The following APOBEC3F variants were observed in gnomAD, a reference collection of about 807,000 sequenced individuals.
APOBEC3F encodes DNA dC->dU-editing enzyme APOBEC-3F.
A neutral mutation model predicts 45.8 loss-of-function variants in APOBEC3F; 34 were observed. The observed-to-expected ratio is 0.74, with a 90% CI of 0.57 to 0.99. The LOEUF is 0.99. APOBEC3F is among the 50% of genes least tolerant of loss of function. APOBEC3F has a pLI of 0.00. For missense variants in APOBEC3F, 459 were observed against 474.1 expected (o/e 0.97, Z 0.30); for synonymous variants, 192 against 174.4 (o/e 1.10, Z -0.80).
intron 4 of APOBEC3F, among the ~76,000 whole-genome samples, chr22:39,048,657 ATT>A (rs1927334973): frequency 1.3e-5 from 2 of 152,224 alleles, no homozygotes; most frequent in Non-Finnish European, 2.9e-5. Flanking sequence ...AATACAAAAA[ATT>A]AGCCGGGTGT....
At chr22:39,049,319 A>G in intron 4 of APOBEC3F, 106 bp from the exon 5 acceptor site, 7 of 1,318,892 alleles carry the variant, frequency 5.3e-6, no homozygotes, top group African/African-American at 1.5e-5. Context: ...TGCCTGGGAA[A>G]GCAGCAGACA....
intron 5 of APOBEC3F, 108 bp downstream of exon 5, chr22:39,049,689 TC>T (rs1296843263): frequency 9.0e-7 from 1 of 1,107,584 alleles, no homozygotes; most frequent in African/African-American, 1.7e-5. Context: ...TGTACTTTCC[TC>T]TTACATTTCT....
rs1309309808 is a variant in APOBEC3F, at chr22:39,054,052, A to G, written c.*1357A>G. 1 of 151,116 alleles carries G rather than the reference A, an allele frequency of 6.6e-6. No individual in the cohort carries two copies. Among genetic ancestry groups the G allele is most frequent in the Non-Finnish European group, 1.5e-5 (1 of 67,920 alleles). The allele number at this position is 151,116 out of a possible 1,614,324, so 9.4% of individuals were successfully genotyped here. ...CTTTGAAATGGAGTCTCGCCCTGTC[A>G]CCCAGGCTGGAGTGCAATGGTGCGG... On this transcript the variant is annotated 3_prime_UTR_variant, in exon 7 of 7. Coordinates refer to ENST00000308521, the MANE Select transcript of APOBEC3F (RefSeq NM_145298.6).
chr22:39,044,900 C>T (rs1325991218), intron 2 of APOBEC3F, 41 bp from the exon 3 acceptor site: 23 of 1,578,452 alleles, frequency 1.5e-5, no homozygotes, highest in Non-Finnish European at 1.9e-5. Context: ...TCCTCCTGCT[C>T]CCCCTCTCAG....
At position 39,049,074 on chromosome 22, in the gene APOBEC3F, G is replaced by A. The variant is rs573754855; in HGVS notation, c.567-351G>A. ...AACGTAAAAAGAATCATCATCATCG[G>A]ACAGGTGAAATGTGAGGAAGGAATT... On this transcript the variant is annotated intron_variant, in intron 4 of 6. Transcript: ENST00000308521. 3.9e-5 allele frequency among the ~76,000 whole-genome samples: 6 copies of A among 152,232 alleles called. No individual in the cohort carries two copies. In the South Asian group the frequency reaches 1.2e-3, roughly 32 times the overall value.
At chr22:39,045,371 G>C in intron 3 of APOBEC3F, 57 bp from the exon 4 acceptor site, 1 of 1,612,716 alleles carries the variant, frequency 6.2e-7, no homozygotes, top group Non-Finnish European at 8.5e-7. Context: ...ACCAGGCCTG[G>C]GAGCGCGGGC....
chr22:39,051,912 A>C (rs1334086659), intron 5 of APOBEC3F, among the ~76,000 whole-genome samples, 162 bp from the exon 6 acceptor site: 1 of 152,076 alleles, frequency 6.6e-6, no homozygotes, highest in Non-Finnish European at 1.5e-5. Flanking sequence ...CCCAGATCGC[A>C]CCACTGCACC....
At position 39,051,972 on chromosome 22, in the gene APOBEC3F, G is replaced by T. The variant is rs150203209; in HGVS notation, c.724-102G>T. ...CTGTCTCAAAAATAAATAAGGAAAC[G>T]CCCTGGGGCTCCAGGCCCGCCCTCT... On this transcript the variant is annotated intron_variant, in intron 5 of 6. Coordinates refer to ENST00000308521, the MANE Select transcript of APOBEC3F (RefSeq NM_145298.6). 1.1e-3 allele frequency: 1,720 copies of T among 1,504,442 alleles called. 3 individuals carry two copies. Among genetic ancestry groups the T allele is most frequent in the Non-Finnish European group, 1.4e-3 (1,593 of 1,109,452 alleles). The allele number at this position is 1,504,442 out of a possible 1,614,324, so 93.2% of individuals were successfully genotyped here. A position where few individuals can be genotyped will look rare whatever the true frequency, so the allele number is the denominator to read the frequency against.
intron 1 of APOBEC3F, among the ~76,000 whole-genome samples, chr22:39,042,306 CTCT>C (rs1217058373): frequency 7.5e-6 from 1 of 132,532 alleles, no homozygotes; most frequent in Non-Finnish European, 1.6e-5. Context: ...TTTATTCTCT[CTCT>C]CTTTTTTTTT....
chr22:39,052,587 T>C lies in APOBEC3F; in HGVS notation c.1014T>C (p.Tyr338=), dbSNP rs1027941783. The change falls in exon 7 of 7, where the codon TAT becomes TAC. Residue 338 remains tyrosine (Y), a synonymous_variant. Transcript: ENST00000308521. ...CTTGTTTTTTCTCAGATTTTAAATA[T>C]TGTTGGGAAAACTTTGTGTACAATG... ...VEIMGYKDFK[Y]CWENFVYNDD... The C allele has an allele frequency of 1.4e-5, 22 of 1,613,022 alleles. No homozygotes were observed. The highest frequency in any genetic ancestry group is 1.3e-4 in the African/African-American group (10 of 74,876).
At chr22:39,047,132 G>A (rs1029519557) in intron 4 of APOBEC3F, among the ~76,000 whole-genome samples, 2 of 152,048 alleles carry the variant, frequency 1.3e-5, no homozygotes, top group Non-Finnish European at 2.9e-5. Flanking sequence ...GTGGGGGCAC[G>A]CATGGCATCC....
intron 1 of APOBEC3F, among the ~76,000 whole-genome samples, chr22:39,041,249 G>C (rs1195895822): frequency 1.3e-5 from 2 of 152,238 alleles, no homozygotes; most frequent in Non-Finnish European, 2.9e-5. Flanking sequence ...GGCAGGGCTG[G>C]TGCTCCCGGC....
intron 1 of APOBEC3F, among the ~76,000 whole-genome samples, chr22:39,042,279 A>G (rs1173395239): frequency 6.8e-6 from 1 of 146,698 alleles, no homozygotes; most frequent in African/African-American, 2.5e-5. Context: ...AAAATCTATT[A>G]TTTTGGGGTG....
In APOBEC3F at chr22:39,052,942, G is replaced by T. The variant is rs1416637453; in HGVS notation, c.*247G>T. The T allele has an allele frequency of 1.2e-6, 1 of 801,978 alleles. No homozygotes were observed. Among genetic ancestry groups the T allele is most frequent in the Non-Finnish European group, 1.7e-6 (1 of 587,338 alleles). 49.7% of individuals were successfully genotyped at this position (801,978 alleles called of 1,614,324 possible). A position where few individuals can be genotyped will look rare whatever the true frequency, so the allele number is the denominator to read the frequency against. On this transcript the variant is annotated 3_prime_UTR_variant, in exon 7 of 7. Transcript: ENST00000308521. The stretch of plus-strand genomic sequence containing the variant: ...CACCAAGACCCTGTTCCCTGAGCCT[G>T]CATGCCCCTAACCTGCCTTTTCCCA...
intron 4 of APOBEC3F, among the ~76,000 whole-genome samples, chr22:39,048,915 G>A (rs1209084794): frequency 2.0e-5 from 3 of 152,226 alleles, no homozygotes; most frequent in East Asian, 3.9e-4. Context: ...AACCCGGGAG[G>A]TGCAGGTTGC....
intron 4 of APOBEC3F, among the ~76,000 whole-genome samples, chr22:39,048,253 C>A (rs1927315484): frequency 1.3e-5 from 2 of 152,334 alleles, no homozygotes; most frequent in African/African-American, 4.8e-5. Context: ...CATCCATCCC[C>A]ATCTCTGTGG....
At position 39,052,986 on chromosome 22, in the gene APOBEC3F, A is replaced by ATTTTTTTTTTTTTTTTTTTTTT. The variant is rs201268620; in HGVS notation, c.*292_*293insTTTTTTTTTTTTTTTTTTTTTT. ...TTTCCCATCTCCCCAGCATAACCTA[A>ATTTTTTTTTTTTTTTTTTTTTT]TATTTTTTTTTTTTTTTTGAGACGG... On this transcript the variant is annotated 3_prime_UTR_variant, in exon 7 of 7. Coordinates refer to ENST00000308521, the MANE Select transcript of APOBEC3F (RefSeq NM_145298.6). 1 of 265,164 alleles carries ATTTTTTTTTTTTTTTTTTTTTT rather than the reference A, an allele frequency of 3.8e-6. No homozygotes were observed. 16.4% of individuals were successfully genotyped at this position (265,164 alleles called of 1,614,324 possible).
chr22:39,046,331 A>G (rs1044864033), intron 4 of APOBEC3F, among the ~76,000 whole-genome samples: 3 of 152,180 alleles, frequency 2.0e-5, no homozygotes, highest in Non-Finnish European at 2.9e-5. Flanking sequence ...CAACATATCA[A>G]TGTGGGGAAG....
chr22:39,055,523 C>A lies in APOBEC3F; in HGVS notation c.*2828C>A, dbSNP rs1156716348. On this transcript the variant is annotated 3_prime_UTR_variant, in exon 7 of 7. Coordinates refer to ENST00000308521, the MANE Select transcript of APOBEC3F (RefSeq NM_145298.6). ...AGCTGGGATTACAGATGCCCAGAAC[C>A]AATCTCTGCTAATTTTTCTATTTTT... 2.6e-5 allele frequency among the ~76,000 whole-genome samples: 4 copies of A among 152,150 alleles called. No individual in the cohort carries two copies. The highest frequency in any genetic ancestry group is 5.9e-5 in the Non-Finnish European group (4 of 68,020).
Sources: allele counts gnomAD v4.1 joint callset (sites outside exome capture counted in the v4.1 genomes callset), GRCh38; gene constraint gnomAD v4.1.1; transcripts MANE v1.5; gene names NCBI Gene and HGNC (gene_info 2026-07-23, HGNC 2026-07-21).